ZNF609: variants seen among roughly 807,000 people sequenced by gnomAD.
ZNF609 encodes the protein zinc finger protein 609.
In ZNF609, 11 loss-of-function variants were observed where a neutral mutation model predicts 109.5. That is an observed-to-expected ratio of 0.10 (90% confidence interval 0.06 to 0.17). ZNF609 has a LOEUF of 0.17. Among genes scored for constraint, ZNF609 ranks in the 10% least tolerant of loss-of-function variants. ZNF609 has a pLI of 1.00. For missense variants in ZNF609, 1,559 were observed against 1,772.4 expected (o/e 0.88, Z 2.16); for synonymous variants, 646 against 662.0 (o/e 0.98, Z 0.37).
At chr15:64,541,045 A>C (rs1243934234) in intron 2 of ZNF609, among the ~76,000 whole-genome samples, 3 of 150,096 alleles carry the variant, frequency 2.0e-5, no homozygotes, top group African/African-American at 7.4e-5. Flanking sequence ...AAAAAAAAAA[A>C]AACTTTTGTG....
Position 64,500,142 on chromosome 15 carries a change from G to A in ZNF609, c.723G>A (p.Leu241=). 1 of 1,613,678 alleles carries A rather than the reference G, an allele frequency of 6.2e-7. No individual in the cohort carries two copies. The highest frequency in any genetic ancestry group is 8.5e-7 in the Non-Finnish European group (1 of 1,180,010). ...EPEEGENECR[L]LKKVKSEKME... ...AGGAAGGGGAGAATGAGTGTCGCCT[G>A]CTAAAGAAAGTCAAGTCTGAAAAGG... is the stretch of plus-strand genomic sequence containing the variant. The change falls in exon 2 of 10, where the codon CTG becomes CTA. Residue 241 remains leucine, a synonymous_variant. Transcript: ENST00000326648.
chr15:64,680,361 G>T lies in ZNF609; in HGVS notation c.3945+1G>T. ...TCACTACAAGAGCAAGTCTCCCACG[G>T]TAAGAAAAGTACAGTGATGCTGGCT... On this transcript the variant is annotated splice_donor_variant, in intron 7 of 9. Coordinates refer to ENST00000326648, the MANE Select transcript of ZNF609 (RefSeq NM_015042.2). LOFTEE classifies it high-confidence loss of function. The T allele has an allele frequency of 6.2e-7, 1 of 1,613,956 alleles. No individual in the cohort carries two copies. The highest frequency in any genetic ancestry group is 8.5e-7 in the Non-Finnish European group (1 of 1,179,918).
chr15:64,476,303 T>G (rs1312873492), intron 1 of ZNF609, among the ~76,000 whole-genome samples: 1 of 135,202 alleles, frequency 7.4e-6, no homozygotes, highest in Non-Finnish European at 1.6e-5. Context: ...AAAAAAAAAA[T>G]CAACCTCATG....
intron 2 of ZNF609, among the ~76,000 whole-genome samples, chr15:64,534,752 G>T (rs1268066553): frequency 6.6e-6 from 1 of 151,880 alleles, no homozygotes; most frequent in African/African-American, 2.4e-5. Context: ...TGTTATTTAG[G>T]CCCGGTGCAG....
At chr15:64,657,448 T>C (rs1464503579) in intron 3 of ZNF609, among the ~76,000 whole-genome samples, 5 of 150,294 alleles carry the variant, frequency 3.3e-5, no homozygotes, top group African/African-American at 4.9e-5. Flanking sequence ...ACCCCGTCTC[T>C]ACTGAAAATA....
At chr15:64,467,949 CTG>C (rs1893037550) in intron 1 of ZNF609, among the ~76,000 whole-genome samples, 1 of 151,708 alleles carries the variant, frequency 6.6e-6, no homozygotes, top group Non-Finnish European at 1.5e-5. Context: ...TTTTATTTTT[CTG>C]TGTCTTTGTT....
intron 1 of ZNF609, among the ~76,000 whole-genome samples, chr15:64,463,084 T>C (rs1406982583): frequency 6.6e-6 from 1 of 152,064 alleles, no homozygotes; most frequent in African/African-American, 2.4e-5. Flanking sequence ...TGAGAACTCA[T>C]CTCTACAAAA....
At chr15:64,658,323 G>A (rs1468540097) in intron 3 of ZNF609, among the ~76,000 whole-genome samples, 5 of 151,846 alleles carry the variant, frequency 3.3e-5, no homozygotes, top group African/African-American at 1.2e-4. Context: ...TCAGCCTCCC[G>A]AGTAGCTGGG....
rs955113698 is a variant in ZNF609, at chr15:64,516,866, G to T, written c.747+16700G>T. On this transcript the variant is annotated intron_variant, in intron 2 of 9. Transcript: ENST00000326648. ...CATTTCCAGAATTAATCAGGCTACC[G>T]AACAATAAGTCCAGTCTTAGCTTAT... Among the ~76,000 whole-genome samples, 7 of 152,012 alleles carry T rather than the reference G, an allele frequency of 4.6e-5. No homozygotes were observed. The South Asian group carries it at 1.5e-3, about 32-fold the overall frequency.
chr15:64,543,497 G>A (rs1248451653), intron 2 of ZNF609, among the ~76,000 whole-genome samples: 1 of 149,042 alleles, frequency 6.7e-6, no homozygotes, highest in Non-Finnish European at 1.5e-5. Flanking sequence ...AGGCTGAAGT[G>A]CAGTGGCGTG....
intron 2 of ZNF609, among the ~76,000 whole-genome samples, chr15:64,586,654 C>T (rs1455603127): frequency 6.6e-6 from 1 of 151,926 alleles, no homozygotes; most frequent in Non-Finnish European, 1.5e-5. Context: ...TCCCGCCAAC[C>T]CCCCTCTGTC....
intron 4 of ZNF609, chr15:64,671,277 G>A (rs939320836): frequency 6.6e-6 from 1 of 151,434 alleles, no homozygotes; most frequent in African/African-American, 2.4e-5. Flanking sequence ...TCACTTCAGT[G>A]GTACATATAC....
chr15:64,559,562 G>T (rs1471697783), intron 2 of ZNF609, among the ~76,000 whole-genome samples: 2 of 152,190 alleles, frequency 1.3e-5, no homozygotes, highest in Non-Finnish European at 2.9e-5. Flanking sequence ...CAGGTTCTGT[G>T]ATCATTGTTA....
intron 5 of ZNF609, among the ~76,000 whole-genome samples, chr15:64,677,176 G>A (rs772490528): frequency 6.6e-6 from 1 of 152,044 alleles, no homozygotes; most frequent in Non-Finnish European, 1.5e-5. Flanking sequence ...CAGTCCTCCT[G>A]CCTCAGCCTC....
chr15:64,669,546 T>C (rs556254465), intron 3 of ZNF609, among the ~76,000 whole-genome samples: 10 of 152,366 alleles, frequency 6.6e-5, no homozygotes, highest in Admixed American at 2.0e-4. Context: ...GAAGAACAGT[T>C]ATGGAAGGGA....
intron 2 of ZNF609, among the ~76,000 whole-genome samples, chr15:64,596,220 C>A (rs1342856867): frequency 6.6e-6 from 1 of 152,074 alleles, no homozygotes; most frequent in African/African-American, 2.4e-5. Flanking sequence ...GCGGCGCGAT[C>A]TCAGCTCACT....
chr15:64,680,838 C>G lies in ZNF609; in HGVS notation c.4138C>G (p.Gln1380Glu), dbSNP rs899888695. 6.2e-7 allele frequency: 1 copy of G among 1,611,852 alleles called. No individual in the cohort carries two copies. The highest frequency in any genetic ancestry group is 1.3e-5 in the African/African-American group (1 of 74,908). Residue 1380 changes from glutamine (Q) to glutamate (E), a missense_variant, in exon 8 of 10, where the codon CAG (glutamine) becomes GAG (glutamate). Physicochemically the swap from Gln to Glu is conservative, Grantham distance 29. This residue lies in a region of ZNF609 where 1,204 missense variants were observed against 1,314.1 expected (regional missense o/e 0.92). Coordinates refer to ENST00000326648, the MANE Select transcript of ZNF609 (RefSeq NM_015042.2). Reference protein sequence around the residue: ...HHLGYSLLPAQYNLPYAAGLS... With the variant: ...HHLGYSLLPAEYNLPYAAGLS... ...CTTGGGGTACTCATTGCTCCCAGCACAGTACAACTTACCCTATGCAGCAGG... is the reference window on the plus strand; with the variant it reads ...CTTGGGGTACTCATTGCTCCCAGCAGAGTACAACTTACCCTATGCAGCAGG...
At chr15:64,524,772 A>G (rs1893946811) in intron 2 of ZNF609, among the ~76,000 whole-genome samples, 1 of 152,174 alleles carries the variant, frequency 6.6e-6, no homozygotes, top group Admixed American at 6.5e-5. Flanking sequence ...GCTGCTATGA[A>G]CATTCATATA....
Position 64,475,825 on chromosome 15 carries a change from A to C in ZNF609, c.-128+14987A>C, listed in dbSNP as rs552204891. The stretch of plus-strand genomic sequence containing the variant: ...CTTCTTTGAATATAACTTTATGCTT[A>C]ATTAATGCTTGATGAATTGAATTAG... On this transcript the variant is annotated intron_variant, in intron 1 of 9. Transcript: ENST00000326648. 6.0e-4 allele frequency among the ~76,000 whole-genome samples: 92 copies of C among 152,326 alleles called. 2 individuals carry two copies. In the South Asian group the frequency reaches 0.012, roughly 20 times the overall value.
Sources: allele counts gnomAD v4.1 joint callset (sites outside exome capture counted in the v4.1 genomes callset), GRCh38; gene constraint gnomAD v4.1.1; regional missense constraint gnomAD v4.1.1; transcripts MANE v1.5; gene names NCBI Gene and HGNC (gene_info 2026-07-23, HGNC 2026-07-21).